The following CNTNAP2 variants were observed in gnomAD, a reference collection of about 807,000 sequenced individuals.
CNTNAP2 encodes the protein contactin-associated protein-like 2.
In CNTNAP2, 98 loss-of-function variants were observed where a neutral mutation model predicts 155.2. That is an observed-to-expected ratio of 0.63 (90% CI 0.54 to 0.75). CNTNAP2 has a LOEUF of 0.75. Among genes scored for constraint, CNTNAP2 ranks in the 30% least tolerant of loss-of-function variants. CNTNAP2 has a pLI of 0.00. For synonymous variants in CNTNAP2, 651 were observed against 631.2 expected (o/e 1.03, Z -0.47); for missense variants, 1,727 against 1,688.1 (o/e 1.02, Z -0.40).
intron 4 of CNTNAP2, among the ~76,000 whole-genome samples, chr7:147,047,284 T>TG (rs1799384688): frequency 6.8e-6 from 1 of 147,064 alleles, no homozygotes; most frequent in Non-Finnish European, 1.5e-5. Flanking sequence ...AATTTTTTTT[T>TG]TTTTTTTTTT....
intron 9 of CNTNAP2, among the ~76,000 whole-genome samples, chr7:147,359,783 C>G (rs949772686): frequency 6.6e-6 from 1 of 152,004 alleles, no homozygotes; most frequent in Non-Finnish European, 1.5e-5. Flanking sequence ...TGAAGCCTTC[C>G]CTGACCGCCC....
At chr7:146,244,852 A>C (rs1372661105) in intron 1 of CNTNAP2, among the ~76,000 whole-genome samples, 1 of 151,982 alleles carries the variant, frequency 6.6e-6, no homozygotes, top group Non-Finnish European at 1.5e-5. Flanking sequence ...CTAGGCTAAG[A>C]GGTATTTTAG....
intron 1 of CNTNAP2, among the ~76,000 whole-genome samples, chr7:146,772,514 A>G (rs1403889290): frequency 1.3e-5 from 2 of 151,338 alleles, no homozygotes; most frequent in East Asian, 3.9e-4. Flanking sequence ...AAAAAAAAAA[A>G]AAAAAATAGC....
chr7:146,628,385 T>C (rs1183291962), intron 1 of CNTNAP2, among the ~76,000 whole-genome samples: 1 of 152,098 alleles, frequency 6.6e-6, no homozygotes, highest in Non-Finnish European at 1.5e-5. Flanking sequence ...GTTGATCAAA[T>C]GATATAATAT....
At chr7:146,488,301 C>T (rs926619103) in intron 1 of CNTNAP2, among the ~76,000 whole-genome samples, 3 of 126,410 alleles carry the variant, frequency 2.4e-5, no homozygotes, top group African/African-American at 1.0e-4. Flanking sequence ...CCCTCCCTCC[C>T]TTCCTCCCTC....
At chr7:147,869,101 TGG>T (rs1296133201) in intron 13 of CNTNAP2, among the ~76,000 whole-genome samples, 1 of 152,218 alleles carries the variant, frequency 6.6e-6, no homozygotes, top group African/African-American at 2.4e-5. Context: ...TCGGCCGTCT[TGG>T]AATGGAGCTC....
At chr7:146,506,268 T>C (rs1044312909) in intron 1 of CNTNAP2, among the ~76,000 whole-genome samples, 2 of 152,202 alleles carry the variant, frequency 1.3e-5, no homozygotes, top group African/African-American at 4.8e-5. Flanking sequence ...CTATTTGCCA[T>C]CTAGTCAAGA....
intron 8 of CNTNAP2, among the ~76,000 whole-genome samples, chr7:147,263,592 T>C (rs1804542237): frequency 1.3e-5 from 2 of 152,232 alleles, no homozygotes; most frequent in Admixed American, 6.5e-5. Context: ...CTGAGATAAT[T>C]TGACTTATAC....
At chr7:147,019,622 T>C (rs1254625424) in intron 3 of CNTNAP2, among the ~76,000 whole-genome samples, 1 of 152,054 alleles carries the variant, frequency 6.6e-6, no homozygotes, top group Non-Finnish European at 1.5e-5. Flanking sequence ...TATTTTATGC[T>C]CAATGACCCT....
intron 1 of CNTNAP2, among the ~76,000 whole-genome samples, chr7:146,626,398 A>G (rs569417983): frequency 1.3e-5 from 2 of 152,276 alleles, no homozygotes; most frequent in African/African-American, 4.8e-5. Flanking sequence ...ACCTATAAAT[A>G]AAACAGAAAT....
chr7:148,227,222 G>A (rs1795869460), intron 19 of CNTNAP2, among the ~76,000 whole-genome samples: 1 of 152,142 alleles, frequency 6.6e-6, no homozygotes, highest in Non-Finnish European at 1.5e-5. Flanking sequence ...TGAAGATGAG[G>A]CCTGAGAGGG....
At chr7:146,359,068 G>T (rs1795044920) in intron 1 of CNTNAP2, among the ~76,000 whole-genome samples, 1 of 152,188 alleles carries the variant, frequency 6.6e-6, no homozygotes, top group African/African-American at 2.4e-5. Context: ...AGGAAGTATA[G>T]TCCCATTTAT....
At chr7:148,305,373 T>A (rs1341059339) in intron 21 of CNTNAP2, among the ~76,000 whole-genome samples, 1 of 152,128 alleles carries the variant, frequency 6.6e-6, no homozygotes, top group East Asian at 1.9e-4. Flanking sequence ...TTTAAAATCT[T>A]CCCTCAACAT....
rs180979994 is a variant in CNTNAP2, at chr7:146,708,652, G to A, written c.98-65619G>A. ...CACTGTGTTGCCCTGGCTGGAGTGTGGTGGCGTGATCTCATCTCACTGCAA... is the reference window on the plus strand; with the variant it reads ...CACTGTGTTGCCCTGGCTGGAGTGTAGTGGCGTGATCTCATCTCACTGCAA... On this transcript the variant is annotated intron_variant, in intron 1 of 23. Coordinates refer to ENST00000361727, the MANE Select transcript of CNTNAP2 (RefSeq NM_014141.6). 2.6e-3 allele frequency among the ~76,000 whole-genome samples: 313 copies of A among 119,410 alleles called. 2 individuals carry two copies. Among genetic ancestry groups the A allele is most frequent in the African/African-American group, 9.4e-3 (298 of 31,716 alleles). 78.3% of individuals were successfully genotyped at this position (119,410 alleles called of 152,430 possible).
chr7:148,020,501 A>T (rs1432036375), intron 15 of CNTNAP2, among the ~76,000 whole-genome samples: 1 of 152,062 alleles, frequency 6.6e-6, no homozygotes, highest in African/African-American at 2.4e-5. Context: ...TCATATTCTC[A>T]CTCTGCTGAT....
intron 1 of CNTNAP2, among the ~76,000 whole-genome samples, chr7:146,592,525 C>T (rs1798798233): frequency 6.6e-6 from 1 of 152,164 alleles, no homozygotes; most frequent in African/African-American, 2.4e-5. Flanking sequence ...TGTGTCGCTC[C>T]AATTCCTAAG....
chr7:146,287,165 A>C (rs538827174), intron 1 of CNTNAP2, among the ~76,000 whole-genome samples: 60 of 152,326 alleles, frequency 3.9e-4, no homozygotes, highest in Non-Finnish European at 5.4e-4. Context: ...TTTTTAAATT[A>C]TTCTTTCTGC....
intron 4 of CNTNAP2, among the ~76,000 whole-genome samples, chr7:147,090,322 C>CGTGTGTGTGTGTGTGT (rs146882206): frequency 8.5e-5 from 12 of 141,892 alleles, no homozygotes; most frequent in African/African-American, 3.0e-4. Context: ...AACATATAAG[C>CGTGTGTGTGTGTGTGT]GTGTGTGTGT....
chr7:147,902,149 T>C (rs889946462), intron 13 of CNTNAP2, among the ~76,000 whole-genome samples: 4 of 152,166 alleles, frequency 2.6e-5, no homozygotes, highest in Non-Finnish European at 5.9e-5. Context: ...GGCTTCCAGT[T>C]TACTAAATAG....
Sources: gnomAD v4.1 joint callset for allele counts (sites outside exome capture counted in the v4.1 genomes callset) on GRCh38, gnomAD v4.1.1 for gene constraint, MANE v1.5 for transcripts, NCBI Gene and HGNC (gene_info 2026-07-23, HGNC 2026-07-21) for gene names.